The following MYO16 variants were observed in gnomAD, a reference collection of about 807,000 sequenced individuals.
MYO16 encodes myosin XVI.
A neutral mutation model predicts 205.3 loss-of-function variants in MYO16; 94 were observed. That is an observed-to-expected ratio of 0.46 (90% confidence interval 0.39 to 0.54). MYO16 has a LOEUF of 0.54. Ranked by LOEUF, MYO16 falls within the 20% of genes least tolerant of loss-of-function variation. The pLI is 0.00. For missense variants in MYO16, 2,315 were observed against 2,387.5 expected (o/e 0.97, Z 0.63); for synonymous variants, 988 against 954.0 (o/e 1.04, Z -0.66).
At chr13:108,557,014 G>A in the MYO16 span, among the ~76,000 whole-genome samples, 17 of 152,092 alleles carry the variant, frequency 1.1e-4, no homozygotes, top group Middle Eastern at 3.4e-3. Flanking sequence ...TGCTGGTACC[G>A]TGGTATTTTA....
intron 27 of MYO16, 103 bp from the exon 28 acceptor site, chr13:109,100,682 G>T: frequency 1.2e-6 from 1 of 838,026 alleles, no homozygotes; most frequent in Non-Finnish European, 1.9e-6. Flanking sequence ...AAAGAAAGAC[G>T]GGGAAACTTT....
chr13:109,018,332 A>G (rs569666533), intron 22 of MYO16, among the ~76,000 whole-genome samples: 1 of 151,116 alleles, frequency 6.6e-6, no homozygotes, highest in South Asian at 2.1e-4. Flanking sequence ...AACAGCAAAT[A>G]TTGCTGCCTG....
the MYO16 span, among the ~76,000 whole-genome samples, chr13:108,583,610 TTATATGGG>T: frequency 6.6e-6 from 1 of 152,166 alleles, no homozygotes; most frequent in Non-Finnish European, 1.5e-5. Flanking sequence ...ATTATTGCAT[TTATATGGG>T]TAATTCTGGA....
chr13:108,913,799 A>G (rs774829952), intron 16 of MYO16, among the ~76,000 whole-genome samples: 6 of 152,242 alleles, frequency 3.9e-5, no homozygotes, highest in Admixed American at 6.5e-5. Context: ...ACTTAGGTGT[A>G]TGTGCCTGTA....
At chr13:108,995,780 T>C (rs554013292) in intron 21 of MYO16, among the ~76,000 whole-genome samples, 22 of 152,348 alleles carry the variant, frequency 1.4e-4, no homozygotes, top group Admixed American at 6.5e-4. Context: ...CATCATTTTT[T>C]ATGGCTGCAT....
intron 7 of MYO16, among the ~76,000 whole-genome samples, chr13:108,813,703 ACTCT>A (rs779286943): frequency 5.3e-5 from 8 of 151,778 alleles, no homozygotes; most frequent in Non-Finnish European, 8.8e-5. Flanking sequence ...ACACATACAC[ACTCT>A]CTCTCTTTCT....
chr13:108,596,477 TA>T lies in MYO16; in HGVS notation c.-39+248del, dbSNP rs547023610. ...TTAAAATTTTAACTCTAATTAAAGCTAAAAAAAAAAGTCCAAATTCTGAAAG... is the reference window on the plus strand; with the variant it reads ...TTAAAATTTTAACTCTAATTAAAGCTAAAAAAAAAGTCCAAATTCTGAAAG... On this transcript the variant is annotated intron_variant, in intron 1 of 24. Coordinates refer to the MYO16 transcript ENST00000251041. Among the ~76,000 whole-genome samples, 1,383 of 146,914 alleles carry T rather than the reference TA, an allele frequency of 9.4e-3. 15 individuals are homozygous for T. The highest frequency in any genetic ancestry group is 0.029 in the African/African-American group (1,183 of 40,150).
chr13:108,652,203 GTCT>G (rs1881044819), intron 1 of MYO16, among the ~76,000 whole-genome samples: 1 of 152,178 alleles, frequency 6.6e-6, no homozygotes, highest in Non-Finnish European at 1.5e-5. Context: ...GTGTCTGTGT[GTCT>G]ACAGCACCTG....
At chr13:108,686,970 C>A (rs1485315436) in intron 2 of MYO16, among the ~76,000 whole-genome samples, 3 of 152,156 alleles carry the variant, frequency 2.0e-5, no homozygotes, top group Non-Finnish European at 2.9e-5. Context: ...CGGCTGCTTA[C>A]CCCATCAGTC....
intron 28 of MYO16, among the ~76,000 whole-genome samples, chr13:109,108,419 A>G (rs982897570): frequency 1.3e-5 from 2 of 152,232 alleles, no homozygotes; most frequent in East Asian, 3.8e-4. Flanking sequence ...GAAGAGTAAT[A>G]TCTTAGAGTA....
At chr13:109,145,161 C>G (rs1174421877) in intron 32 of MYO16, among the ~76,000 whole-genome samples, 1 of 152,182 alleles carries the variant, frequency 6.6e-6, no homozygotes, top group Non-Finnish European at 1.5e-5. Context: ...TCTGAGTCAT[C>G]TAATTCTCAC....
intron 2 of MYO16, among the ~76,000 whole-genome samples, chr13:108,667,966 G>C (rs1178318987): frequency 6.6e-6 from 1 of 152,022 alleles, no homozygotes; most frequent in Non-Finnish European, 1.5e-5. Flanking sequence ...TTTGAGCCTG[G>C]GGATTAAGGA....
intron 1 of MYO16, among the ~76,000 whole-genome samples, chr13:108,642,494 G>A (rs1249830381): frequency 2.0e-5 from 3 of 152,142 alleles, no homozygotes; most frequent in Non-Finnish European, 4.4e-5. Context: ...CCAGACTGGA[G>A]TGGAGTGGCG....
intron 7 of MYO16, among the ~76,000 whole-genome samples, chr13:108,810,580 G>T (rs774984427): frequency 1.1e-4 from 16 of 152,096 alleles, no homozygotes; most frequent in Non-Finnish European, 2.2e-4. Flanking sequence ...CTCTCAAAAA[G>T]ATGTCATTTA....
intron 16 of MYO16, among the ~76,000 whole-genome samples, chr13:108,927,860 G>A (rs1466219997): frequency 6.6e-6 from 1 of 152,194 alleles, no homozygotes; most frequent in Non-Finnish European, 1.5e-5. Context: ...AGTGCCCGAG[G>A]TCACCGGGCC....
intron 24 of MYO16, 104 bp from the exon 25 acceptor site, chr13:109,052,196 C>T: frequency 1.0e-6 from 1 of 956,602 alleles, no homozygotes; most frequent in Non-Finnish European, 1.6e-6. Context: ...TGACGTCTTG[C>T]ACCCAGAATG....
chr13:109,163,378 T>A (rs1878478719), intron 32 of MYO16, among the ~76,000 whole-genome samples: 2 of 152,052 alleles, frequency 1.3e-5, no homozygotes. Context: ...CAAGAGGAGA[T>A]AATGTCAAGG....
intron 9 of MYO16, among the ~76,000 whole-genome samples, chr13:108,838,754 ACACACACACACAAATG>A (rs1250180920): frequency 1.9e-5 from 1 of 53,214 alleles, no homozygotes; most frequent in African/African-American, 7.8e-5. Flanking sequence ...ATATATATAT[ACACACACACACAAATG>A]CACACACACA....
chr13:109,060,728 A>G (rs928870655), intron 27 of MYO16, among the ~76,000 whole-genome samples: 3 of 152,188 alleles, frequency 2.0e-5, no homozygotes, highest in Non-Finnish European at 4.4e-5. Context: ...TAGACTTAGC[A>G]TAATTCTTGA....
Sources: allele counts gnomAD v4.1 joint callset (sites outside exome capture counted in the v4.1 genomes callset), GRCh38; gene constraint gnomAD v4.1.1; transcripts MANE v1.5; gene names NCBI Gene and HGNC (gene_info 2026-07-23, HGNC 2026-07-21).